Variants in GRIA1 observed in about 807,000 individuals in gnomAD.
GRIA1 encodes the protein glutamate ionotropic receptor AMPA type subunit 1.
Under a neutral mutation model 99.2 loss-of-function variants are expected in GRIA1, and 31 were observed. That is an observed-to-expected ratio of 0.31 (90% CI 0.23 to 0.42). GRIA1 has a LOEUF of 0.42. GRIA1 is among the 10% of genes least tolerant of loss of function. The pLI is 1.00. For missense variants in GRIA1, 782 were observed against 1,157.5 expected (o/e 0.68, Z 4.71); for synonymous variants, 438 against 432.4 (o/e 1.01, Z -0.16).
chr5:153,794,664 C>T lies in GRIA1; in HGVS notation c.2314C>T (p.Leu772Phe). 6.2e-7 allele frequency: 1 copy of T among 1,613,552 alleles called. No homozygotes were observed. Residue 772 changes from leucine (L) to phenylalanine (F), a missense_variant, in exon 14 of 16, where the codon CTT (leucine) becomes TTT (phenylalanine). Physicochemically the swap from Leu to Phe is conservative, Grantham distance 22 (BLOSUM62 0). Around this residue, in one of 5 missense-constraint regions of GRIA1, gnomAD observed 119 missense variants for 326.6 expected, o/e 0.36. Coordinates refer to ENST00000285900, the MANE Select transcript of GRIA1 (RefSeq NM_000827.4). The part of the protein sequence containing the change: ...LAVLKLNEQG[L>F]LDKLKNKWWY... ...AGTGTTAAAACTGAACGAGCAGGGG[C>T]TTTTGGACAAATTGAAAAACAAATG...
intron 13 of GRIA1, among the ~76,000 whole-genome samples, chr5:153,783,720 A>G (rs1484764305): frequency 6.6e-6 from 1 of 152,224 alleles, no homozygotes; most frequent in Non-Finnish European, 1.5e-5. Flanking sequence ...CCTTCATTCA[A>G]CAAACATTTA....
chr5:153,634,627 A>G (rs1043627505), intron 2 of GRIA1, among the ~76,000 whole-genome samples: 14 of 152,206 alleles, frequency 9.2e-5, no homozygotes, highest in Non-Finnish European at 7.3e-5. Context: ...CCTTATTGGC[A>G]GACTCTTGAT....
chr5:153,595,523 T>C (rs976367690), intron 2 of GRIA1, among the ~76,000 whole-genome samples: 1 of 152,118 alleles, frequency 6.6e-6, no homozygotes, highest in South Asian at 2.1e-4. Flanking sequence ...AGAGTGTCTA[T>C]GTAAATTATT....
intron 11 of GRIA1, among the ~76,000 whole-genome samples, chr5:153,710,153 TA>T (rs1218921566): frequency 1.3e-5 from 2 of 152,170 alleles, no homozygotes; most frequent in Admixed American, 6.5e-5. Flanking sequence ...GATTACAATT[TA>T]TTTTTTTAAT....
intron 11 of GRIA1, among the ~76,000 whole-genome samples, chr5:153,726,084 A>T (rs936152688): frequency 2.9e-4 from 44 of 152,130 alleles, no homozygotes; most frequent in African/African-American, 9.9e-4. Flanking sequence ...GGATTAAGAA[A>T]CTCACTCAAA....
chr5:153,528,470 G>A (rs570301197), intron 2 of GRIA1, among the ~76,000 whole-genome samples: 1 of 152,236 alleles, frequency 6.6e-6, no homozygotes, highest in East Asian at 1.9e-4. Flanking sequence ...ATGTGCATCA[G>A]ACTCACCTGG....
At chr5:153,528,269 C>T (rs1757790438) in intron 2 of GRIA1, among the ~76,000 whole-genome samples, 1 of 151,770 alleles carries the variant, frequency 6.6e-6, no homozygotes, top group African/African-American at 2.4e-5. Flanking sequence ...TTATTTTTTC[C>T]AGAATATGTT....
intron 11 of GRIA1, among the ~76,000 whole-genome samples, chr5:153,718,087 C>A (rs1759792786): frequency 6.6e-6 from 1 of 152,130 alleles, no homozygotes; most frequent in Non-Finnish European, 1.5e-5. Context: ...TTGAGCACCA[C>A]CTGGGATCTA....
At chr5:153,600,139 C>T (rs574655760) in intron 2 of GRIA1, among the ~76,000 whole-genome samples, 16 of 152,164 alleles carry the variant, frequency 1.1e-4, no homozygotes, top group African/African-American at 3.6e-4. Flanking sequence ...CGCTTGTAAT[C>T]CCAGCACTTT....
chr5:153,570,675 G>A (rs752332550), intron 2 of GRIA1, among the ~76,000 whole-genome samples: 4 of 152,084 alleles, frequency 2.6e-5, no homozygotes, highest in East Asian at 3.8e-4. Context: ...GACCTCTGGC[G>A]CCTTATCTTC....
chr5:153,730,002 C>A (rs1760891228), intron 11 of GRIA1, among the ~76,000 whole-genome samples: 1 of 152,086 alleles, frequency 6.6e-6, no homozygotes, highest in Admixed American at 6.6e-5. Context: ...AATAATCGAA[C>A]ATTTAACAAT....
At chr5:153,742,477 AG>A (rs1176502103) in intron 11 of GRIA1, among the ~76,000 whole-genome samples, 1 of 152,224 alleles carries the variant, frequency 6.6e-6, no homozygotes, top group Non-Finnish European at 1.5e-5. Flanking sequence ...GTAGCTCAAA[AG>A]TCCAGTATGG....
intron 8 of GRIA1, 91 bp from the exon 9 acceptor site, chr5:153,697,953 G>C: frequency 1.7e-6 from 1 of 594,310 alleles, no homozygotes; most frequent in East Asian, 2.7e-5. Flanking sequence ...CTCCTTACTT[G>C]CCTGTCTCTG....
At chr5:153,492,339 C>G (rs531117708) in intron 1 of GRIA1, 1 of 1,511,142 alleles carries the variant, frequency 6.6e-7, no homozygotes, top group South Asian at 1.2e-5. Flanking sequence ...GTGCCTAACA[C>G]GCAAAACTTC....
intron 2 of GRIA1, among the ~76,000 whole-genome samples, chr5:153,522,491 G>A (rs1485403220): frequency 6.6e-6 from 1 of 152,164 alleles, no homozygotes; most frequent in Non-Finnish European, 1.5e-5. Context: ...TTATACCACA[G>A]TAACAAATGA....
At chr5:153,769,235 C>A (rs778440176) in intron 12 of GRIA1, among the ~76,000 whole-genome samples, 47 of 152,318 alleles carry the variant, frequency 3.1e-4, no homozygotes, top group Non-Finnish European at 4.7e-4. Flanking sequence ...AGATCAGAAT[C>A]ATCTCTTGGG....
chr5:153,517,828 C>A (rs1189702348), intron 2 of GRIA1, among the ~76,000 whole-genome samples: 1 of 152,222 alleles, frequency 6.6e-6, no homozygotes, highest in Non-Finnish European at 1.5e-5. Flanking sequence ...CACCTGGAGG[C>A]TAAAGTGACT....
chr5:153,662,490 G>A (rs1282966108), intron 5 of GRIA1, among the ~76,000 whole-genome samples: 7 of 152,280 alleles, frequency 4.6e-5, no homozygotes, highest in Non-Finnish European at 7.4e-5. Context: ...CAGGGAGGCC[G>A]CCTCAGCTGT....
chr5:153,735,113 A>G (rs1439592500), intron 11 of GRIA1, among the ~76,000 whole-genome samples: 11 of 152,182 alleles, frequency 7.2e-5, no homozygotes, highest in Admixed American at 5.9e-4. Flanking sequence ...CTGGCCTCAA[A>G]TGTCAATAGT....
Sources: gnomAD v4.1 joint callset for allele counts (sites outside exome capture counted in the v4.1 genomes callset) on GRCh38, gnomAD v4.1.1 for gene constraint, gnomAD v4.1.1 regional missense constraint, MANE v1.5 for transcripts, NCBI Gene and HGNC (gene_info 2026-07-23, HGNC 2026-07-21) for gene names.